Variants in NRG1 observed in about 807,000 individuals in gnomAD.
The protein encoded by NRG1 is neuregulin 1.
Under a neutral mutation model 63.8 loss-of-function variants are expected in NRG1, and 18 were observed. That is an observed-to-expected ratio of 0.28 (90% CI 0.19 to 0.42). The LOEUF (loss-of-function observed/expected upper bound fraction) is 0.42. Ranked by LOEUF, NRG1 falls within the 10% of genes least tolerant of loss-of-function variation. The pLI is 1.00. For synonymous variants in NRG1, 302 were observed against 301.3 expected (o/e 1.00, Z -0.02); for missense variants, 762 against 814.7 (o/e 0.94, Z 0.79).
intron 1 of NRG1, among the ~76,000 whole-genome samples, chr8:32,284,189 T>G (rs73580316): frequency 0.051 from 7,720 of 152,164 alleles, 477 homozygotes; most frequent in African/African-American, 0.15. Context: ...AAAGTCAGTT[T>G]AGAGAGAATA....
intron 1 of NRG1, among the ~76,000 whole-genome samples, chr8:32,042,367 T>C (rs974765546): frequency 2.0e-5 from 3 of 151,948 alleles, no homozygotes; most frequent in Non-Finnish European, 4.4e-5. Context: ...GCAGGAGGAT[T>C]ACTTGAGCTG....
intron 1 of NRG1, among the ~76,000 whole-genome samples, chr8:31,952,120 A>G (rs1803566215): frequency 6.6e-6 from 1 of 152,160 alleles, no homozygotes; most frequent in Non-Finnish European, 1.5e-5. Flanking sequence ...GATTCTCAGG[A>G]GTATTATAGG....
chr8:31,980,930 G>A lies in NRG1; in HGVS notation c.37+341499G>A, dbSNP rs1808963041. 2.6e-5 allele frequency among the ~76,000 whole-genome samples: 4 copies of A among 151,938 alleles called. No individual in the cohort carries two copies. The South Asian group carries it at 8.3e-4, about 32-fold the overall frequency. On this transcript the variant is annotated intron_variant, in intron 1 of 10. Transcript: ENST00000519301. The stretch of plus-strand genomic sequence containing the variant: ...AATGTGACAATGTTCTATGTAAGTA[G>A]CAATCGAGGAATGACTGAAAAGGGA...
At position 32,741,987 on chromosome 8, in the gene NRG1, TACCA is replaced by T; in HGVS notation, c.633-687_633-684del. The T allele has an allele frequency of 1.9e-6, 3 of 1,607,788 alleles. No homozygotes were observed. Among genetic ancestry groups the T allele is most frequent in the Admixed American group, 3.3e-5 (2 of 59,854 alleles). On this transcript the variant is annotated intron_variant, in intron 6 of 11. Transcript: ENST00000356819. ...GTGTCTTTAGCATTTTTTTTTTGCT[TACCA>T]CATTTTTGCCCTCTAGGTGCCAACC...
intron 1 of NRG1, among the ~76,000 whole-genome samples, chr8:31,760,421 C>T (rs1435459782): frequency 1.3e-5 from 2 of 152,090 alleles, no homozygotes; most frequent in Admixed American, 6.6e-5. Context: ...ACATCAAAAG[C>T]AATGGCAACA....
intron 2 of NRG1, among the ~76,000 whole-genome samples, chr8:32,604,564 TTATTTTTTGGAGATAGG>T (rs964060584): frequency 5.9e-5 from 9 of 152,262 alleles, no homozygotes; most frequent in Middle Eastern, 3.4e-3. Flanking sequence ...AGGATTGCTA[TTATTTTTTGGAGATAGG>T]GGTCTCACCC....
intron 1 of NRG1, among the ~76,000 whole-genome samples, chr8:31,693,965 G>A (rs187021190): frequency 6.6e-6 from 1 of 152,222 alleles, no homozygotes; most frequent in East Asian, 1.9e-4. Flanking sequence ...AGACTCTCGA[G>A]TAGGTGGGAC....
intron 1 of NRG1, among the ~76,000 whole-genome samples, chr8:32,296,428 A>G (rs1049835680): frequency 6.6e-6 from 1 of 152,036 alleles, no homozygotes; most frequent in African/African-American, 2.4e-5. Flanking sequence ...ATCCTGGCCA[A>G]ACTAGTGAAA....
intron 5 of NRG1, among the ~76,000 whole-genome samples, chr8:32,683,489 T>C (rs183630993): frequency 4.6e-5 from 7 of 152,280 alleles, no homozygotes; most frequent in Non-Finnish European, 7.3e-5. Flanking sequence ...CTTTTCGGCA[T>C]AGTAGCTTTC....
At chr8:32,432,412 T>G (rs1948669048) in intron 1 of NRG1, among the ~76,000 whole-genome samples, 1 of 152,186 alleles carries the variant, frequency 6.6e-6, no homozygotes, top group African/African-American at 2.4e-5. Context: ...TTTAAAAAAT[T>G]TGCCCAAGAC....
chr8:32,657,518 G>T (rs1330498624), intron 5 of NRG1, among the ~76,000 whole-genome samples: 1 of 152,142 alleles, frequency 6.6e-6, no homozygotes, highest in Non-Finnish European at 1.5e-5. Flanking sequence ...GAGTGAATGA[G>T]ACCTTAACCA....
In NRG1 at chr8:32,092,486, GA is replaced by G. The variant is rs904257081; in HGVS notation, c.37+453063del. ...CAAAAAAAAAAAAAAAAAAGAAAAAGAAAAAAAATAGAAATAGTATATGTTG... is the reference window on the plus strand; with the variant it reads ...CAAAAAAAAAAAAAAAAAAGAAAAAGAAAAAAATAGAAATAGTATATGTTG... On this transcript the variant is annotated intron_variant, in intron 1 of 10. Transcript: ENST00000519301. 3.4e-4 allele frequency among the ~76,000 whole-genome samples: 49 copies of G among 144,070 alleles called. 1 individual carries two copies. Among genetic ancestry groups the G allele is most frequent in the African/African-American group, 9.6e-4 (38 of 39,554 alleles). 94.5% of individuals were successfully genotyped at this position (144,070 alleles called of 152,430 possible). A position where few individuals can be genotyped will look rare whatever the true frequency, so the allele number is the denominator to read the frequency against.
chr8:31,953,840 G>C (rs1362103558), intron 1 of NRG1, among the ~76,000 whole-genome samples: 1 of 152,174 alleles, frequency 6.6e-6, no homozygotes, highest in African/African-American at 2.4e-5. Flanking sequence ...GAACAAGAAG[G>C]TGATGTCGCA....
intron 1 of NRG1, among the ~76,000 whole-genome samples, chr8:31,985,118 G>T (rs1809834732): frequency 6.6e-6 from 1 of 151,994 alleles, no homozygotes; most frequent in African/African-American, 2.4e-5. Flanking sequence ...GTTTATAAAA[G>T]CAAACTGTGA....
intron 1 of NRG1, among the ~76,000 whole-genome samples, chr8:31,880,064 AC>A (rs1407693294): frequency 1.3e-5 from 2 of 152,062 alleles, no homozygotes; most frequent in Non-Finnish European, 2.9e-5. Flanking sequence ...AGAAAAGAGA[AC>A]CCTTACACAC....
At chr8:31,714,514 C>A (rs574570238) in intron 1 of NRG1, among the ~76,000 whole-genome samples, 2 of 152,228 alleles carry the variant, frequency 1.3e-5, no homozygotes, top group South Asian at 4.1e-4. Flanking sequence ...TCTCCACATT[C>A]ATGGACTGCT....
At chr8:32,485,047 A>G (rs1485673832) in intron 1 of NRG1, among the ~76,000 whole-genome samples, 7 of 152,060 alleles carry the variant, frequency 4.6e-5, no homozygotes, top group Non-Finnish European at 7.4e-5. Context: ...TGAAATTGAA[A>G]TCCTTCTTGG....
intron 1 of NRG1, chr8:32,099,683 G>C (rs1302236484): frequency 6.6e-6 from 1 of 152,256 alleles, no homozygotes; most frequent in Non-Finnish European, 1.5e-5. Flanking sequence ...CTTTACACCA[G>C]TTGTTGAAGA....
At chr8:32,647,756 C>T (rs777576814) in intron 5 of NRG1, 127 of 1,596,086 alleles carry the variant, frequency 8.0e-5, no homozygotes, top group Non-Finnish European at 1.0e-4. Flanking sequence ...AGGTCGCCGC[C>T]GAGAGGTCCT....
Sources: allele counts gnomAD v4.1 joint callset (sites outside exome capture counted in the v4.1 genomes callset), GRCh38; gene constraint gnomAD v4.1.1; transcripts MANE v1.5; gene names NCBI Gene and HGNC (gene_info 2026-07-23, HGNC 2026-07-21).